The following THSD7A variants were observed in gnomAD, a reference collection of about 807,000 sequenced individuals.
The protein encoded by THSD7A is thrombospondin type 1 domain containing 7A.
Under a neutral mutation model 231.3 loss-of-function variants are expected in THSD7A, and 96 were observed. The ratio of observed to expected loss-of-function variants is 0.41; its 90% CI spans 0.35 to 0.49. The LOEUF (loss-of-function observed/expected upper bound fraction) is 0.49, where lower values mean the gene tolerates loss of function less well. Ranked by LOEUF, THSD7A falls within the 20% of genes least tolerant of loss-of-function variation. THSD7A has a pLI of 0.05. For synonymous variants in THSD7A, 940 were observed against 743.3 expected (o/e 1.26, Z -4.30); for missense variants, 2,290 against 2,070.2 (o/e 1.11, Z -2.06).
intron 23 of THSD7A, among the ~76,000 whole-genome samples, chr7:11,386,622 A>T (rs905185441): frequency 2.0e-5 from 3 of 152,300 alleles, no homozygotes; most frequent in African/African-American, 7.2e-5. Flanking sequence ...CCTTTGTCAG[A>T]TGGATAGATT....
intron 1 of THSD7A, among the ~76,000 whole-genome samples, chr7:11,733,591 C>G (rs886225715): frequency 6.6e-6 from 1 of 151,676 alleles, no homozygotes; most frequent in Non-Finnish European, 1.5e-5. Flanking sequence ...AAAATGCACC[C>G]TGTGGTAGAC....
rs575825128 is a variant in THSD7A, at chr7:11,720,795, T to C, written c.191-83834A>G. 4.6e-5 allele frequency among the ~76,000 whole-genome samples: 7 copies of C among 151,848 alleles called. No homozygotes were observed. In the South Asian group the frequency reaches 1.5e-3, roughly 32 times the overall value. ...CAGCAGTGTTAGACATCTTCACAAC[T>C]GTCTCTCCTCTAAACATCATTTTCC... On this transcript the variant is annotated intron_variant, in intron 1 of 27. Transcript: ENST00000423059.
At chr7:11,428,428 T>G (rs1784385689) in intron 14 of THSD7A, among the ~76,000 whole-genome samples, 1 of 152,210 alleles carries the variant, frequency 6.6e-6, no homozygotes, top group South Asian at 2.1e-4. Context: ...ATGACTAAAT[T>G]GATAGCATAC....
At chr7:11,564,169 C>T (rs17635562) in intron 4 of THSD7A, among the ~76,000 whole-genome samples, 33,310 of 152,076 alleles carry the variant, frequency 0.22, 4,188 homozygotes, top group Admixed American at 0.4. Flanking sequence ...GAAAAAAGGA[C>T]GTTTTAGGTC....
Position 11,636,080 on chromosome 7 carries a change from A to T in THSD7A, c.1022+50T>A. ...ATAGTACCGGATATCTTAGGTACTC[A>T]TGATTCTTGACAGACAAGCCTGTGT... On this transcript the variant is annotated intron_variant, in intron 2 of 27. Coordinates refer to ENST00000423059, the MANE Select transcript of THSD7A (RefSeq NM_015204.3). The surrounding 1 kb of genome is among the most constrained non-coding windows in gnomAD (Gnocchi z 10.0). The T allele has an allele frequency of 2.6e-6, 4 of 1,514,824 alleles. No individual in the cohort carries two copies. Among genetic ancestry groups the T allele is most frequent in the South Asian group, 1.3e-5 (1 of 78,760 alleles). The allele number at this position is 1,514,824 out of a possible 1,614,324, so 93.8% of individuals were successfully genotyped here. A position where few individuals can be genotyped will look rare whatever the true frequency, so the allele number is the denominator to read the frequency against.
intron 1 of THSD7A, among the ~76,000 whole-genome samples, chr7:11,654,422 G>C (rs1289895537): frequency 6.6e-6 from 1 of 151,948 alleles, no homozygotes; most frequent in Non-Finnish European, 1.5e-5. Context: ...GCATATAATT[G>C]TGTTAGTTGT....
At chr7:11,427,992 T>A (rs1784372904) in intron 14 of THSD7A, among the ~76,000 whole-genome samples, 1 of 152,198 alleles carries the variant, frequency 6.6e-6, no homozygotes. Flanking sequence ...ATCTTCATCT[T>A]AATTTACTTA....
intron 13 of THSD7A, among the ~76,000 whole-genome samples, chr7:11,437,707 A>C (rs1784678823): frequency 6.6e-6 from 1 of 152,070 alleles, no homozygotes; most frequent in South Asian, 2.1e-4. Flanking sequence ...GTTTAATTAA[A>C]CATGTTCTTC....
chr7:11,392,772 T>G (rs1049628411), intron 23 of THSD7A, among the ~76,000 whole-genome samples: 1 of 152,204 alleles, frequency 6.6e-6, no homozygotes, highest in South Asian at 2.1e-4. Context: ...GCTGGGAAGT[T>G]TGAACTGGGC....
chr7:11,800,971 G>A (rs904719378), intron 1 of THSD7A, among the ~76,000 whole-genome samples: 19 of 152,040 alleles, frequency 1.2e-4, no homozygotes, highest in African/African-American at 4.6e-4. Flanking sequence ...TCAAAGTGAT[G>A]GTATCAAGGG....
At chr7:11,511,907 T>C (rs539373106) in intron 6 of THSD7A, among the ~76,000 whole-genome samples, 123 of 152,192 alleles carry the variant, frequency 8.1e-4, no homozygotes, top group Middle Eastern at 6.8e-3. Flanking sequence ...CCAAAAGCAA[T>C]GGCAACAAAA....
At chr7:11,584,566 C>A (rs1791313008) in intron 4 of THSD7A, among the ~76,000 whole-genome samples, 1 of 152,000 alleles carries the variant, frequency 6.6e-6, no homozygotes, top group African/African-American at 2.4e-5. Flanking sequence ...AAATAGTTAT[C>A]TTCAGGCAAA....
intron 4 of THSD7A, among the ~76,000 whole-genome samples, chr7:11,572,674 AT>A (rs1790692993): frequency 6.6e-6 from 1 of 151,504 alleles, no homozygotes; most frequent in African/African-American, 2.4e-5. Context: ...TGCCCAGCAA[AT>A]TAATTTTTTT....
intron 1 of THSD7A, among the ~76,000 whole-genome samples, chr7:11,681,114 C>T (rs4598151): frequency 0.5 from 76,156 of 151,842 alleles, 19,443 homozygotes; most frequent in South Asian, 0.68. Context: ...GAAACCCAAA[C>T]GCTGCATCTT....
At chr7:11,388,162 C>G (rs1388361498) in intron 23 of THSD7A, among the ~76,000 whole-genome samples, 1 of 142,568 alleles carries the variant, frequency 7.0e-6, no homozygotes, top group Non-Finnish European at 1.6e-5. Flanking sequence ...CTGAAATTTT[C>G]TTTTTTTTTT....
intron 4 of THSD7A, among the ~76,000 whole-genome samples, chr7:11,554,287 G>A (rs1789751736): frequency 6.6e-6 from 1 of 152,036 alleles, no homozygotes; most frequent in African/African-American, 2.4e-5. Flanking sequence ...AGAAGGCCAT[G>A]TGAAGGCATA....
chr7:11,416,895 G>A (rs1783980476), intron 17 of THSD7A, among the ~76,000 whole-genome samples: 1 of 152,152 alleles, frequency 6.6e-6, no homozygotes, highest in South Asian at 2.1e-4. Flanking sequence ...GGCCCAAAGA[G>A]ACACAGAGTC....
chr7:11,737,883 T>A (rs1781970900), intron 1 of THSD7A, among the ~76,000 whole-genome samples: 1 of 152,020 alleles, frequency 6.6e-6, no homozygotes, highest in Admixed American at 6.6e-5. Context: ...TCAGTGAGTA[T>A]CACTATTTAG....
intron 1 of THSD7A, chr7:11,820,629 C>G: frequency 1.3e-6 from 1 of 749,398 alleles, no homozygotes; most frequent in South Asian, 1.5e-5. Flanking sequence ...TTGAAAGTTT[C>G]CTCGAGCGCT....
Sources: allele counts gnomAD v4.1 joint callset (sites outside exome capture counted in the v4.1 genomes callset), GRCh38; gene constraint gnomAD v4.1.1; non-coding constraint Gnocchi (gnomAD v3.1); transcripts MANE v1.5; gene names NCBI Gene and HGNC (gene_info 2026-07-23, HGNC 2026-07-21).